XKR9: variants seen among roughly 807,000 people sequenced by gnomAD.
XKR9 encodes XK-related protein 9.
In XKR9, 32 loss-of-function variants were observed where a neutral mutation model predicts 32.0. The ratio of observed to expected loss-of-function variants is 1.00; its 90% CI spans 0.76 to 1.34. The LOEUF is 1.34. Among genes scored for constraint, XKR9 ranks in the 40% most tolerant of loss-of-function variants. The pLI is 0.00. For missense variants in XKR9, 546 were observed against 429.7 expected, an observed-to-expected ratio of 1.27 and a Z score of -2.39; for synonymous variants, 168 against 143.4, an observed-to-expected ratio of 1.17 and a Z score of -1.22.
intron 4 of XKR9, among the ~76,000 whole-genome samples, chr8:70,731,932 A>G (rs1806680443): frequency 1.3e-5 from 2 of 152,338 alleles, no homozygotes; most frequent in South Asian, 4.1e-4. Flanking sequence ...CTCCAAGAGT[A>G]TCTCTTCTAA....
chr8:70,717,370 C>G (rs576614322), intron 4 of XKR9, among the ~76,000 whole-genome samples: 1 of 152,212 alleles, frequency 6.6e-6, no homozygotes, highest in Non-Finnish European at 1.5e-5. Context: ...CAGCAAAATT[C>G]TGCCTGGAAA....
the XKR9 span, among the ~76,000 whole-genome samples, chr8:70,900,816 G>C: frequency 0.011 from 1,673 of 151,634 alleles, 30 homozygotes; most frequent in African/African-American, 0.037. Flanking sequence ...CCCTACCCCC[G>C]ACCCCACTAC....
At chr8:70,679,350 T>A (rs1818993798) in intron 2 of XKR9, among the ~76,000 whole-genome samples, 1 of 152,206 alleles carries the variant, frequency 6.6e-6, no homozygotes, top group African/African-American at 2.4e-5. Context: ...AGTACTTTTC[T>A]AGGGGTTTAT....
At chr8:70,752,474 C>T (rs546599179) in intron 2 of XKR9, among the ~76,000 whole-genome samples, 2 of 152,166 alleles carry the variant, frequency 1.3e-5, no homozygotes, top group African/African-American at 2.4e-5. Flanking sequence ...AGACCAAACA[C>T]GAGAGGCAGC....
the XKR9 span, among the ~76,000 whole-genome samples, chr8:71,040,040 G>T: frequency 2.0e-5 from 3 of 152,270 alleles, no homozygotes; most frequent in East Asian, 5.8e-4. Context: ...ACTTATCGGT[G>T]TCTATTATCC....
intron 1 of XKR9, among the ~76,000 whole-genome samples, chr8:70,673,161 C>T (rs1818773159): frequency 6.6e-6 from 1 of 152,120 alleles, no homozygotes; most frequent in South Asian, 2.1e-4. Flanking sequence ...ATGTATTTTA[C>T]CAATATTTTC....
chr8:70,789,267 C>T (rs1042999384), intron 2 of XKR9: 20 of 151,798 alleles, frequency 1.3e-4, no homozygotes, highest in Non-Finnish European at 2.2e-4. Flanking sequence ...AGAATTAAGG[C>T]CTAGGAGACC....
the XKR9 span, among the ~76,000 whole-genome samples, chr8:70,812,355 G>A: frequency 6.6e-6 from 1 of 152,124 alleles, no homozygotes; most frequent in Non-Finnish European, 1.5e-5. Flanking sequence ...GGCAAAAACT[G>A]GAAGCTTTCT....
At chr8:70,868,617 C>T in the XKR9 span, among the ~76,000 whole-genome samples, 1 of 152,216 alleles carries the variant, frequency 6.6e-6, no homozygotes, top group Admixed American at 6.5e-5. Context: ...ACCACTTTTT[C>T]CTCCTAGTCC....
At chr8:70,733,266 T>C (rs1007035150) in intron 4 of XKR9, among the ~76,000 whole-genome samples, 18 of 152,180 alleles carry the variant, frequency 1.2e-4, no homozygotes, top group African/African-American at 3.1e-4. Flanking sequence ...AAGTTGGGCT[T>C]GTTTAATATC....
At chr8:70,892,741 C>G in the XKR9 span, among the ~76,000 whole-genome samples, 1 of 152,136 alleles carries the variant, frequency 6.6e-6, no homozygotes, top group Non-Finnish European at 1.5e-5. Context: ...TGACTTGACT[C>G]TATTCTCTTG....
intron 3 of XKR9, among the ~76,000 whole-genome samples, chr8:70,686,302 T>C (rs563727225): frequency 1.3e-4 from 20 of 149,818 alleles, no homozygotes; most frequent in Non-Finnish European, 2.7e-4. Flanking sequence ...GCTGCAGTGG[T>C]GCGGTCACAG....
chr8:70,858,372 T>A, the XKR9 span, among the ~76,000 whole-genome samples: 1 of 151,954 alleles, frequency 6.6e-6, no homozygotes, highest in Non-Finnish European at 1.5e-5. Context: ...CACAATTGCT[T>A]CAAAGAGAAT....
intron 3 of XKR9, among the ~76,000 whole-genome samples, chr8:70,704,239 CTG>C (rs1340612582): frequency 2.0e-5 from 3 of 151,896 alleles, no homozygotes; most frequent in Non-Finnish European, 4.4e-5. Context: ...ATAAGTGAAA[CTG>C]TGTCCTATTG....
downstream of XKR9, among the ~76,000 whole-genome samples, chr8:70,736,743 G>T (rs1489565697): frequency 6.6e-6 from 1 of 151,944 alleles, no homozygotes; most frequent in East Asian, 1.9e-4. Flanking sequence ...CCCATTGCTT[G>T]TTTTTGTCAG....
chr8:70,887,407 CT>C, the XKR9 span, among the ~76,000 whole-genome samples: 137 of 150,426 alleles, frequency 9.1e-4, no homozygotes, highest in Middle Eastern at 6.8e-3. Context: ...GCTATATGGG[CT>C]TTTTTTTTGG....
intron 2 of XKR9, among the ~76,000 whole-genome samples, chr8:70,774,251 G>C (rs1198196991): frequency 1.3e-5 from 2 of 152,086 alleles, no homozygotes; most frequent in Non-Finnish European, 2.9e-5. Flanking sequence ...ATCTCTTAAA[G>C]CTTCCACCCT....
chr8:70,784,384 A>AT (rs1189385097), intron 2 of XKR9, among the ~76,000 whole-genome samples: 17 of 149,542 alleles, frequency 1.1e-4, no homozygotes, highest in East Asian at 1.9e-4. Flanking sequence ...TTCTTTCATG[A>AT]TTTTTTTATA....
the XKR9 span, among the ~76,000 whole-genome samples, chr8:70,893,194 T>TA: frequency 6.6e-6 from 1 of 152,228 alleles, no homozygotes; most frequent in South Asian, 2.1e-4. Flanking sequence ...GGTTCTTTTG[T>TA]AAAAAACGAT....
Sources: gnomAD v4.1 joint callset for allele counts (sites outside exome capture counted in the v4.1 genomes callset) on GRCh38, gnomAD v4.1.1 for gene constraint, MANE v1.5 for transcripts, NCBI Gene and HGNC (gene_info 2026-07-23, HGNC 2026-07-21) for gene names.